NADK: variants seen among roughly 807,000 people sequenced by gnomAD.
NADK encodes poly(P)/ATP NAD kinase.
In NADK, 22 loss-of-function variants were observed where a neutral mutation model predicts 49.8. The ratio of observed to expected loss-of-function variants is 0.44; its 90% CI spans 0.32 to 0.63. The LOEUF is 0.63. Ranked by LOEUF, NADK falls within the 30% of genes least tolerant of loss-of-function variation. The pLI, the probability that NADK is intolerant of heterozygous loss-of-function variation, is 0.06. For missense variants in NADK, 438 were observed against 609.4 expected (o/e 0.72, Z 2.96); for synonymous variants, 268 against 253.7 (o/e 1.06, Z -0.54).
intron 1 of NADK, among the ~76,000 whole-genome samples, chr1:1,777,415 A>C (rs962209370): frequency 1.3e-5 from 2 of 152,234 alleles, no homozygotes; most frequent in Non-Finnish European, 2.9e-5. Flanking sequence ...TATTAAGGCA[A>C]ACATGTCAGT....
chr1:1,768,112 A>C (rs1645939752), intron 1 of NADK, among the ~76,000 whole-genome samples: 1 of 151,504 alleles, frequency 6.6e-6, no homozygotes, highest in South Asian at 2.1e-4. Flanking sequence ...CAGAGGTTGC[A>C]GTGAGCCGAG....
rs1171598191 is a variant in NADK at position 1,778,425 on chromosome 1, C to CCCGGCG, written c.-183_-178dup. ...CCTGTTGCCCCATGGCCGCCCGGAC[C>CCCGGCG]CCGGCGCCGGCGCCGCCGAGCAGCA... On this transcript the variant is annotated 5_prime_UTR_variant, in exon 1 of 12. Transcript: ENST00000341426. This position sits in a 1 kb window ranked among gnomAD's most constrained non-coding sequence, Gnocchi z 4.9. 7.4e-5 allele frequency: 11 copies of CCCGGCG among 148,422 alleles called. No homozygotes were observed. The highest frequency in any genetic ancestry group is 3.9e-4 in the East Asian group (2 of 5,128). The allele number at this position is 148,422 out of a possible 1,614,324, so 9.2% of individuals were successfully genotyped here. A position where few individuals can be genotyped will look rare whatever the true frequency, so the allele number is the denominator to read the frequency against.
In NADK at chr1:1,754,099, G is replaced by A; in HGVS notation, c.1053C>T (p.His351=). 1.2e-6 allele frequency: 2 copies of A among 1,606,864 alleles called. No homozygotes were observed. The highest frequency in any genetic ancestry group is 1.7e-6 in the Non-Finnish European group (2 of 1,176,334). The change falls in exon 10 of 12, where the codon CAC becomes CAT. Residue 351 remains histidine (H), a synonymous_variant. Coordinates refer to ENST00000341426, the MANE Select transcript of NADK (RefSeq NM_023018.5). This position sits in a 1 kb window ranked among gnomAD's most constrained non-coding sequence, Gnocchi z 4.3. ...CCACGATGGGCCGGAAGGACAGCGA[G>A]TGGGGGCAGATGGGCGTGATCATGA... ...PAIMITPICP[H]SLSFRPIVVP...
At chr1:1,767,155 G>A (rs1041256359) in intron 1 of NADK, among the ~76,000 whole-genome samples, 3 of 152,076 alleles carry the variant, frequency 2.0e-5, no homozygotes, top group Non-Finnish European at 4.4e-5. Flanking sequence ...GACCTCAAAT[G>A]ATCTGCCCGC....
At chr1:1,758,981 CTGCTTGGCTCCGGCCCAA>C (rs1645625259) in intron 3 of NADK, 2 of 1,302,830 alleles carry the variant, frequency 1.5e-6, no homozygotes, top group Non-Finnish European at 2.0e-6. Flanking sequence ...CTGCGTCACT[CTGCTTGGCTCCGGCCCAA>C]GGGCGTGCAG....
rs769321015 is a variant in NADK at position 1,754,253 on chromosome 1, C to T, written c.943+31G>A. ...GCGTCACTCCCGCCCGAGGGACGCT[C>T]AGGGCCCCAGGACAGTGCTGCGGGC... On this transcript the variant is annotated intron_variant, in intron 9 of 11. Coordinates refer to ENST00000341426, the MANE Select transcript of NADK (RefSeq NM_023018.5). The surrounding 1 kb of genome is among the most constrained non-coding windows in gnomAD (Gnocchi z 4.3). 1.9e-6 allele frequency: 3 copies of T among 1,613,232 alleles called. No individual in the cohort carries two copies. Among genetic ancestry groups the T allele is most frequent in the Non-Finnish European group, 2.5e-6 (3 of 1,179,902 alleles).
At chr1:1,760,289 C>G (rs944527566) in intron 3 of NADK, among the ~76,000 whole-genome samples, 1 of 152,196 alleles carries the variant, frequency 6.6e-6, no homozygotes, top group Non-Finnish European at 1.5e-5. Flanking sequence ...GGCTGGGCCT[C>G]AAAAGCACAA....
At position 1,759,942 on chromosome 1, in the gene NADK, G is replaced by A. The variant is rs541442336; in HGVS notation, c.263+2010C>T. The stretch of plus-strand genomic sequence containing the variant: ...AAGTGCAGGGAGGGCACCAGGCAGC[G>A]GGGGAGAGGCCCGGTGGGGTGCCAG... On this transcript the variant is annotated intron_variant, in intron 3 of 11. Transcript: ENST00000341426. The A allele has an allele frequency of 4.6e-5, 71 of 1,547,000 alleles. No homozygotes were observed. The East Asian group carries it at 7.6e-4, about 17-fold the overall frequency.
rs567653909 is a variant in NADK at position 1,752,835 on chromosome 1, C to A, written c.*69G>T. The A allele has an allele frequency of 1.3e-6, 2 of 1,533,230 alleles. No homozygotes were observed. Among genetic ancestry groups the A allele is most frequent in the Admixed American group, 1.8e-5 (1 of 55,746 alleles). The allele number at this position is 1,533,230 out of a possible 1,614,324, so 95.0% of individuals were successfully genotyped here. On this transcript the variant is annotated 3_prime_UTR_variant, in exon 12 of 12. Coordinates refer to ENST00000341426, the MANE Select transcript of NADK (RefSeq NM_023018.5). Reference sequence around the variant, plus strand: ...TGAGACAGGCGGTCACAGACACACGCAGATTGGTCTGTCCCCAGAGGGCGC... The same window carrying A: ...TGAGACAGGCGGTCACAGACACACGAAGATTGGTCTGTCCCCAGAGGGCGC...
In NADK at chr1:1,752,153, AAAGT is replaced by A. The variant is rs1229660918; in HGVS notation, c.*747_*750del. On this transcript the variant is annotated 3_prime_UTR_variant, in exon 12 of 12. Coordinates refer to ENST00000341426, the MANE Select transcript of NADK (RefSeq NM_023018.5). The stretch of plus-strand genomic sequence containing the variant: ...CTCCCTTCCCCTTGAAATCTTCACA[AAAGT>A]GTGTACGAGAAAGTATGTACATCAG... The A allele has an allele frequency of 6.6e-6, 1 of 152,554 alleles. No homozygotes were observed. Among genetic ancestry groups the A allele is most frequent in the Admixed American group, 6.5e-5 (1 of 15,268 alleles). 9.5% of individuals were successfully genotyped at this position (152,554 alleles called of 1,614,324 possible). A position where few individuals can be genotyped will look rare whatever the true frequency, so the allele number is the denominator to read the frequency against.
chr1:1,773,283 G>C (rs1460580366), intron 1 of NADK, among the ~76,000 whole-genome samples: 3 of 151,052 alleles, frequency 2.0e-5, no homozygotes, highest in Admixed American at 1.3e-4. Context: ...GGGATTACAG[G>C]TGCCCGCCGC....
chr1:1,762,609 T>A (rs942767241), intron 2 of NADK, among the ~76,000 whole-genome samples: 7 of 151,902 alleles, frequency 4.6e-5, no homozygotes, highest in Non-Finnish European at 8.8e-5. Flanking sequence ...AAAGAAAAAT[T>A]AGCCAGGCCT....
chr1:1,754,279 C>G lies in NADK; in HGVS notation c.943+5G>C, dbSNP rs772385341. Reference sequence around the variant, plus strand: ...AGGGCCCCAGGACAGTGCTGCGGGCCTTACCGTCGCCCTGCACCGTGGTGA... The same window carrying G: ...AGGGCCCCAGGACAGTGCTGCGGGCGTTACCGTCGCCCTGCACCGTGGTGA... On this transcript the variant is annotated splice_donor_5th_base_variant and intron_variant, in intron 9 of 11. Coordinates refer to ENST00000341426, the MANE Select transcript of NADK (RefSeq NM_023018.5). This position sits in a 1 kb window ranked among gnomAD's most constrained non-coding sequence, Gnocchi z 4.3. 6.2e-7 allele frequency: 1 copy of G among 1,613,648 alleles called. No individual in the cohort carries two copies. Among genetic ancestry groups the G allele is most frequent in the Non-Finnish European group, 8.5e-7 (1 of 1,179,944 alleles).
chr1:1,755,522 C>T, intron 6 of NADK, 46 bp from the exon 7 acceptor site: 1 of 1,430,272 alleles, frequency 7.0e-7, no homozygotes, highest in Non-Finnish European at 9.8e-7. Context: ...CCGTGCACCC[C>T]CGCACCACCC....
At chr1:1,776,704 T>C (rs1388411641) in intron 1 of NADK, among the ~76,000 whole-genome samples, 6 of 126,910 alleles carry the variant, frequency 4.7e-5, no homozygotes, top group Admixed American at 4.6e-4. Flanking sequence ...ACCCGGGAGG[T>C]GGAGGTTGCA....
chr1:1,769,995 AAAC>A (rs1646000094), intron 1 of NADK, among the ~76,000 whole-genome samples: 1 of 151,222 alleles, frequency 6.6e-6, no homozygotes, highest in African/African-American at 2.4e-5. Context: ...ACAAAAACAA[AAAC>A]AAAAACAAAA....
At chr1:1,772,981 C>T (rs943390416) in intron 1 of NADK, among the ~76,000 whole-genome samples, 4 of 143,934 alleles carry the variant, frequency 2.8e-5, no homozygotes, top group African/African-American at 1.0e-4. Flanking sequence ...GGGGAGGTTG[C>T]GGTGAGCTGA....
In NADK at chr1:1,752,698, C is replaced by CA. The variant is rs1268917762; in HGVS notation, c.*205dup. The CA allele has an allele frequency of 3.2e-5, 19 of 595,034 alleles. No individual in the cohort carries two copies. Among genetic ancestry groups the CA allele is most frequent in the Non-Finnish European group, 5.3e-5 (19 of 356,018 alleles). The allele number at this position is 595,034 out of a possible 1,614,324, so 36.9% of individuals were successfully genotyped here. On this transcript the variant is annotated 3_prime_UTR_variant, in exon 12 of 12. Transcript: ENST00000341426. ...ACAGAAGCACTCCCAGCCCATTTCTCACGCTTCTTTAGAAATGCAAAAAAA... is the reference window on the plus strand; with the variant it reads ...ACAGAAGCACTCCCAGCCCATTTCTCAACGCTTCTTTAGAAATGCAAAAAAA...
Position 1,752,829 on chromosome 1 carries a change from C to G in NADK, c.*75G>C, listed in dbSNP as rs1645366625. The G allele has an allele frequency of 1.3e-6, 2 of 1,524,404 alleles. No individual in the cohort carries two copies. Among genetic ancestry groups the G allele is most frequent in the African/African-American group, 1.4e-5 (1 of 73,336 alleles). 94.4% of individuals were successfully genotyped at this position (1,524,404 alleles called of 1,614,324 possible). ...TGCCACTGAGACAGGCGGTCACAGACACACGCAGATTGGTCTGTCCCCAGA... is the reference window on the plus strand; with the variant it reads ...TGCCACTGAGACAGGCGGTCACAGAGACACGCAGATTGGTCTGTCCCCAGA... On this transcript the variant is annotated 3_prime_UTR_variant, in exon 12 of 12. Coordinates refer to ENST00000341426, the MANE Select transcript of NADK (RefSeq NM_023018.5).
Sources: allele counts gnomAD v4.1 joint callset (sites outside exome capture counted in the v4.1 genomes callset), GRCh38; gene constraint gnomAD v4.1.1; non-coding constraint Gnocchi (gnomAD v3.1); transcripts MANE v1.5; gene names NCBI Gene and HGNC (gene_info 2026-07-23, HGNC 2026-07-21).